Variants in CHST10 observed in about 807,000 individuals in gnomAD.
The protein encoded by CHST10 is HNK-1 sulfotransferase.
A neutral mutation model predicts 34.7 loss-of-function variants in CHST10; 24 were observed. The observed-to-expected ratio is 0.69, with a 90% confidence interval of 0.50 to 0.97. The LOEUF (loss-of-function observed/expected upper bound fraction) is 0.97, where lower values mean the gene tolerates loss of function less well. Among genes scored for constraint, CHST10 ranks in the 50% least tolerant of loss-of-function variants. CHST10 has a pLI of 0.00. For synonymous variants in CHST10, 161 were observed against 169.3 expected (o/e 0.95, Z 0.38); for missense variants, 402 against 452.1 (o/e 0.89, Z 1.00).
chr2:100,416,816 G>A (rs534438084), intron 1 of CHST10: 9 of 461,786 alleles, frequency 1.9e-5, no homozygotes, highest in Non-Finnish European at 3.5e-5. Flanking sequence ...GACTTGGAAA[G>A]CAAAAATGAC....
At position 100,393,590 on chromosome 2, in the gene CHST10, G is replaced by A. The variant is rs951961263; in HGVS notation, c.726C>T (p.Arg242=). Residue 242 remains arginine, a synonymous_variant, in exon 7 of 7, where the codon CGC becomes CGT. Transcript: ENST00000264249. The part of the protein sequence containing the change: ...TRGIQFEDFV[R]YLGDPNHRWL... ...ATCTGTGGTTCGGATCGCCGAGGTAGCGCACGAAATCTTCAAACTGGATCC... is the reference window on the plus strand; with the variant it reads ...ATCTGTGGTTCGGATCGCCGAGGTAACGCACGAAATCTTCAAACTGGATCC... 2.5e-6 allele frequency: 4 copies of A among 1,614,036 alleles called. No individual in the cohort carries two copies. The African/African-American group carries it at 4.0e-5, about 16-fold the overall frequency.
chr2:100,412,540 G>A (rs4851313), intron 2 of CHST10, among the ~76,000 whole-genome samples: 90,506 of 152,006 alleles, frequency 0.6, 27,823 homozygotes, highest in East Asian at 0.76. Flanking sequence ...CATTTTTTAA[G>A]AGCTCTGTTC....
intron 5 of CHST10, among the ~76,000 whole-genome samples, chr2:100,397,686 G>C (rs1444761057): frequency 1.3e-5 from 2 of 152,222 alleles, no homozygotes; most frequent in Non-Finnish European, 2.9e-5. Flanking sequence ...GAGCTGGACT[G>C]TGGCTGTGCC....
intron 4 of CHST10, among the ~76,000 whole-genome samples, chr2:100,401,590 C>G (rs750656558): frequency 2.6e-5 from 4 of 152,180 alleles, no homozygotes; most frequent in Non-Finnish European, 5.9e-5. Flanking sequence ...AAGCCACTCT[C>G]CTATTTCCCA....
At position 100,398,031 on chromosome 2, in the gene CHST10, G is replaced by T; in HGVS notation, c.304C>A (p.His102Asn). The change falls in exon 5 of 7, where the codon CAC (histidine) becomes AAC (asparagine). Residue 102 changes from histidine (H) to asparagine (N), a missense_variant. Transcript: ENST00000264249. ...AGGACAAACTTGGAGACAGGAGTGT[G>T]CGAGAGATTCTTCAGGGCATCATCC... ...CRDDALKNLS[H>N]TPVSKFVLDR... 6.2e-7 allele frequency: 1 copy of T among 1,614,198 alleles called. No homozygotes were observed.
chr2:100,393,131 C>T lies in CHST10; in HGVS notation c.*114G>A, dbSNP rs1215962465. On this transcript the variant is annotated 3_prime_UTR_variant, in exon 7 of 7. Coordinates refer to ENST00000264249, the MANE Select transcript of CHST10 (RefSeq NM_004854.5). ...GGCAACTCACAGGCCTGTGGGAGAC[C>T]CCGGGCGTCCTCAAAGGAGGGGTGT... The T allele has an allele frequency of 5.2e-6, 6 of 1,161,470 alleles. No individual in the cohort carries two copies. Among genetic ancestry groups the T allele is most frequent in the Non-Finnish European group, 7.4e-6 (6 of 809,778 alleles). 71.9% of individuals were successfully genotyped at this position (1,161,470 alleles called of 1,614,324 possible). A position where few individuals can be genotyped will look rare whatever the true frequency, so the allele number is the denominator to read the frequency against.
Position 100,397,041 on chromosome 2 carries a change from C to T in CHST10, c.427+867G>A, listed in dbSNP as rs4149519. Among the ~76,000 whole-genome samples, 106 of 152,266 alleles carry T rather than the reference C, an allele frequency of 7.0e-4. 3 individuals are homozygous for T. In the East Asian group the frequency reaches 0.02, roughly 28 times the overall value. ...AAGGCCAAACAGTGGCCAGGAGTGACCACCGACTCTGTGGGCAGCATCAGG... is the reference window on the plus strand; with the variant it reads ...AAGGCCAAACAGTGGCCAGGAGTGATCACCGACTCTGTGGGCAGCATCAGG... On this transcript the variant is annotated intron_variant, in intron 5 of 6. Coordinates refer to ENST00000264249, the MANE Select transcript of CHST10 (RefSeq NM_004854.5).
In CHST10 at chr2:100,415,130, A is replaced by C; in HGVS notation, c.-103-19T>G. The C allele has an allele frequency of 7.9e-7, 1 of 1,267,266 alleles. No individual in the cohort carries two copies. The highest frequency in any genetic ancestry group is 1.5e-5 in the African/African-American group (1 of 64,606). The allele number at this position is 1,267,266 out of a possible 1,614,324, so 78.5% of individuals were successfully genotyped here. On this transcript the variant is annotated intron_variant, in intron 1 of 6. Transcript: ENST00000264249. ...CTTGTCACTGGATAGGAAAATTAAA[A>C]AAAAAAAAGCATTATTAAAAGTTAC...
rs141878987 is a variant in CHST10 at position 100,406,608 on chromosome 2, T to C, written c.68A>G (p.Lys23Arg). 6.8e-6 allele frequency: 11 copies of C among 1,614,086 alleles called. No homozygotes were observed. The highest frequency in any genetic ancestry group is 7.6e-6 in the Non-Finnish European group (9 of 1,180,048). The change falls in exon 3 of 7, where the codon AAG (lysine) becomes AGG (arginine). Residue 23 changes from lysine (K) to arginine (R), a missense_variant. Transcript: ENST00000264249. Reference protein sequence around the residue: ...WVIFMFMVASKFITLTFKDPD... With the variant: ...WVIFMFMVASRFITLTFKDPD... ...GTCTTTAAAGGTCAACGTGATGAAC[T>C]TGCTAGCCACCATGAACATGAAAAT...
At chr2:100,399,219 T>G (rs747192100) in intron 4 of CHST10, among the ~76,000 whole-genome samples, 1 of 151,782 alleles carries the variant, frequency 6.6e-6, no homozygotes, top group Non-Finnish European at 1.5e-5. Flanking sequence ...TTCTCCTGCC[T>G]CAGCCTCTCG....
chr2:100,396,845 G>A (rs1420720455), intron 5 of CHST10, among the ~76,000 whole-genome samples: 1 of 152,222 alleles, frequency 6.6e-6, no homozygotes. Flanking sequence ...GCTTCACACT[G>A]TGGTGGCTGA....
chr2:100,400,686 C>CT (rs949304514), intron 4 of CHST10, among the ~76,000 whole-genome samples: 1 of 152,032 alleles, frequency 6.6e-6, no homozygotes, highest in African/African-American at 2.4e-5. Context: ...ACAAAGTAAA[C>CT]TTTTTTTCTG....
At chr2:100,406,285 C>G (rs952971270) in intron 3 of CHST10, among the ~76,000 whole-genome samples, 2 of 152,226 alleles carry the variant, frequency 1.3e-5, no homozygotes, top group African/African-American at 4.8e-5. Flanking sequence ...GGCCACTGTG[C>G]TGCTGGGAGG....
In CHST10 at chr2:100,400,659, A is replaced by T. The variant is rs996559072; in HGVS notation, c.192+1905T>A. Among the ~76,000 whole-genome samples, 12 of 152,268 alleles carry T rather than the reference A, an allele frequency of 7.9e-5. No homozygotes were observed. In the East Asian group the frequency reaches 2.3e-3, roughly 30 times the overall value. On this transcript the variant is annotated intron_variant, in intron 4 of 6. Coordinates refer to ENST00000264249, the MANE Select transcript of CHST10 (RefSeq NM_004854.5). Reference sequence around the variant, plus strand: ...ATTATTTTCTATTTTCCATTCAAACATTCGGCTACACCATGCACAAAGTAA... The same window carrying T: ...ATTATTTTCTATTTTCCATTCAAACTTTCGGCTACACCATGCACAAAGTAA...
intron 2 of CHST10, among the ~76,000 whole-genome samples, chr2:100,412,231 T>C (rs1219878693): frequency 6.6e-6 from 1 of 152,178 alleles, no homozygotes; most frequent in Non-Finnish European, 1.5e-5. Context: ...GCAACCCCGG[T>C]TGGGTGCTCC....
At position 100,393,750 on chromosome 2, in the gene CHST10, C is replaced by G; in HGVS notation, c.566G>C (p.Arg189Thr). The change falls in exon 7 of 7, where the codon AGA (arginine) becomes ACA (threonine). Residue 189 changes from arginine (R) to threonine (T), a missense_variant. Physicochemically the swap from Arg to Thr is moderately conservative, Grantham distance 71 (BLOSUM62 -1). Coordinates refer to ENST00000264249, the MANE Select transcript of CHST10 (RefSeq NM_004854.5). ...AGAAATAAGTCTTTCGAAGGGATCT[C>G]TTACAATAAAAAACTTGAAGTATGT... ...LKTYFKFFIVRDPFERLISAF... is the reference protein window; with the variant it reads ...LKTYFKFFIVTDPFERLISAF... The G allele has an allele frequency of 6.2e-7, 1 of 1,611,116 alleles. No homozygotes were observed. Among genetic ancestry groups the G allele is most frequent in the Non-Finnish European group, 8.5e-7 (1 of 1,179,402 alleles).
At chr2:100,405,677 C>T (rs1324133485) in intron 3 of CHST10, among the ~76,000 whole-genome samples, 5 of 152,172 alleles carry the variant, frequency 3.3e-5, no homozygotes, top group Non-Finnish European at 5.9e-5. Flanking sequence ...GGACAAAGTA[C>T]GGTGCAGAGC....
chr2:100,403,952 C>T (rs1052943404), intron 3 of CHST10, among the ~76,000 whole-genome samples: 1 of 152,188 alleles, frequency 6.6e-6, no homozygotes, highest in Admixed American at 6.5e-5. Context: ...GGGGAGAGGC[C>T]TACACCACCC....
intron 2 of CHST10, among the ~76,000 whole-genome samples, chr2:100,412,389 C>T (rs903354798): frequency 6.6e-6 from 1 of 152,184 alleles, no homozygotes; most frequent in South Asian, 2.1e-4. Context: ...TATGTGCCTT[C>T]TGAATCTAGA....
Sources: allele counts gnomAD v4.1 joint callset (sites outside exome capture counted in the v4.1 genomes callset), GRCh38; gene constraint gnomAD v4.1.1; transcripts MANE v1.5; gene names NCBI Gene and HGNC (gene_info 2026-07-23, HGNC 2026-07-21).